Variants in NTM observed in about 807,000 individuals in gnomAD.
The protein encoded by NTM is IgLON family member 2.
Under a neutral mutation model 42.1 loss-of-function variants are expected in NTM, and 13 were observed. The ratio of observed to expected loss-of-function variants is 0.31; its 90% CI spans 0.20 to 0.49. The LOEUF is 0.49. NTM is among the 20% of genes least tolerant of loss of function. NTM has a pLI of 0.99. For missense variants in NTM, 373 were observed against 452.8 expected, an observed-to-expected ratio of 0.82 and a Z score of 1.60; for synonymous variants, 187 against 179.2, an observed-to-expected ratio of 1.04 and a Z score of -0.35.
chr11:132,138,453 A>G (rs1404664567), intron 2 of NTM, among the ~76,000 whole-genome samples: 1 of 152,206 alleles, frequency 6.6e-6, no homozygotes, highest in Admixed American at 6.5e-5. Flanking sequence ...CCCAATGTGA[A>G]CAGAATGTAC....
rs541861993 is a variant in NTM, at chr11:131,788,644, C to T, written c.83-122920C>T. Among the ~76,000 whole-genome samples, 20 of 152,230 alleles carry T rather than the reference C, an allele frequency of 1.3e-4. No individual in the cohort carries two copies. In the South Asian group the frequency reaches 1.9e-3, roughly 14 times the overall value. On this transcript the variant is annotated intron_variant, in intron 1 of 8. Transcript: ENST00000683400. ...ACTGACTTTCACCCATCAAAATGCCCGATTTCCTTTCCTATCCTCCCTCAT... is the reference window on the plus strand; with the variant it reads ...ACTGACTTTCACCCATCAAAATGCCTGATTTCCTTTCCTATCCTCCCTCAT...
At chr11:131,430,181 G>A (rs557543255) in intron 1 of NTM, among the ~76,000 whole-genome samples, 12 of 152,276 alleles carry the variant, frequency 7.9e-5, no homozygotes, top group African/African-American at 2.9e-4. Flanking sequence ...TTTAATGAAC[G>A]CTGTAATAAT....
At chr11:132,314,526 T>TCTTTTTTGTC in intron 6 of NTM, 26 bp from the exon 7 acceptor site, 1 of 1,596,184 alleles carries the variant, frequency 6.3e-7, no homozygotes, top group Non-Finnish European at 8.5e-7. Context: ...CTTGTTTTCT[T>TCTTTTTTGTC]CTTTTTTGTC....
At chr11:131,384,632 G>A (rs1006058062) in intron 1 of NTM, among the ~76,000 whole-genome samples, 1 of 152,180 alleles carries the variant, frequency 6.6e-6, no homozygotes, top group African/African-American at 2.4e-5. Flanking sequence ...AGGATGTGGT[G>A]ATGGCTGGCC....
At chr11:132,018,047 G>C (rs1404809620) in intron 2 of NTM, among the ~76,000 whole-genome samples, 1 of 151,798 alleles carries the variant, frequency 6.6e-6, no homozygotes, top group African/African-American at 2.4e-5. Flanking sequence ...CATATCCAGA[G>C]TGTATCACCT....
chr11:131,794,269 G>T (rs1321150148), intron 1 of NTM, among the ~76,000 whole-genome samples: 4 of 152,128 alleles, frequency 2.6e-5, no homozygotes, highest in Non-Finnish European at 5.9e-5. Flanking sequence ...CTGCTGTTTT[G>T]AGTACAAGCC....
At chr11:131,462,959 A>T (rs1478194900) in intron 1 of NTM, among the ~76,000 whole-genome samples, 2 of 149,610 alleles carry the variant, frequency 1.3e-5, no homozygotes, top group African/African-American at 5.1e-5. Context: ...ATGAAAAAAA[A>T]AAAAAGAAGA....
chr11:132,120,207 A>C (rs2064554676), intron 2 of NTM, among the ~76,000 whole-genome samples: 1 of 152,120 alleles, frequency 6.6e-6, no homozygotes, highest in African/African-American at 2.4e-5. Flanking sequence ...CTCTGGCTTT[A>C]AAACTGATCA....
At chr11:131,696,473 C>A (rs2075456865) in intron 1 of NTM, among the ~76,000 whole-genome samples, 1 of 152,160 alleles carries the variant, frequency 6.6e-6, no homozygotes, top group Non-Finnish European at 1.5e-5. Context: ...TGGATCAGAC[C>A]ACACAACATT....
chr11:131,694,577 C>T (rs866111449), intron 1 of NTM, among the ~76,000 whole-genome samples: 8 of 152,124 alleles, frequency 5.3e-5, no homozygotes, highest in African/African-American at 1.7e-4. Flanking sequence ...TGCTCGGTGG[C>T]GGGAAAGGGC....
At chr11:131,966,003 G>A (rs912570173) in intron 2 of NTM, among the ~76,000 whole-genome samples, 4 of 151,174 alleles carry the variant, frequency 2.6e-5, no homozygotes, top group African/African-American at 9.7e-5. Context: ...AGGGAAGGGA[G>A]GAATGGTATT....
chr11:131,996,119 C>A (rs2067965785), intron 2 of NTM, among the ~76,000 whole-genome samples: 1 of 152,124 alleles, frequency 6.6e-6, no homozygotes, highest in Admixed American at 6.5e-5. Flanking sequence ...AGGGGGACTG[C>A]CCTAAAGAAT....
chr11:132,257,562 T>G (rs1354070604), intron 4 of NTM, among the ~76,000 whole-genome samples: 1 of 152,292 alleles, frequency 6.6e-6, no homozygotes, highest in East Asian at 1.9e-4. Flanking sequence ...TGGGAACTCC[T>G]GAAGAAGCCA....
chr11:131,660,329 G>A (rs2067830864), intron 1 of NTM: 1 of 368,014 alleles, frequency 2.7e-6, no homozygotes, highest in African/African-American at 2.1e-5. Flanking sequence ...GGATGAAGAG[G>A]GGGATGGAGA....
At chr11:131,849,833 C>A (rs1355647654) in intron 1 of NTM, among the ~76,000 whole-genome samples, 14 of 82,478 alleles carry the variant, frequency 1.7e-4, no homozygotes, top group East Asian at 9.2e-4. Flanking sequence ...GGGTGGGGGG[C>A]GGGGGGAGGG....
At chr11:132,246,601 T>A (rs926422494) in intron 4 of NTM, among the ~76,000 whole-genome samples, 2 of 152,204 alleles carry the variant, frequency 1.3e-5, no homozygotes, top group Non-Finnish European at 2.9e-5. Context: ...ATTCAAATAA[T>A]TTTGTGTTTC....
chr11:131,391,345 G>A (rs920391901), intron 1 of NTM, among the ~76,000 whole-genome samples: 1 of 152,022 alleles, frequency 6.6e-6, no homozygotes, highest in Admixed American at 6.5e-5. Context: ...CAGGGCCCCA[G>A]CTCTCCACTG....
intron 1 of NTM, among the ~76,000 whole-genome samples, chr11:131,401,796 G>T: frequency 2.3e-5 from 1 of 43,660 alleles, no homozygotes; most frequent in Admixed American, 2.8e-4. Context: ...TCAGGCCACT[G>T]GAAATATATA....
intron 1 of NTM, among the ~76,000 whole-genome samples, chr11:131,818,874 G>A (rs2093060513): frequency 6.6e-6 from 1 of 152,144 alleles, no homozygotes; most frequent in South Asian, 2.1e-4. Flanking sequence ...CAGAGATGCA[G>A]TACACGGAAA....
Sources: gnomAD v4.1 joint callset for allele counts (sites outside exome capture counted in the v4.1 genomes callset) on GRCh38, gnomAD v4.1.1 for gene constraint, MANE v1.5 for transcripts, NCBI Gene and HGNC (gene_info 2026-07-23, HGNC 2026-07-21) for gene names.